UST: variants seen among roughly 807,000 people sequenced by gnomAD.
UST encodes uronyl 2-sulfotransferase.
A neutral mutation model predicts 45.6 loss-of-function variants in UST; 21 were observed. The observed-to-expected ratio is 0.46, with a 90% CI of 0.33 to 0.66. UST has a LOEUF of 0.66. UST is among the 30% of genes least tolerant of loss of function. The pLI, the probability that UST is intolerant of heterozygous loss-of-function variation, is 0.02. For synonymous variants in UST, 215 were observed against 200.6 expected (o/e 1.07, Z -0.61); for missense variants, 463 against 512.4 (o/e 0.90, Z 0.93).
At chr6:148,981,609 CTAAACACA>C (rs1481476563) in intron 5 of UST, among the ~76,000 whole-genome samples, 1 of 152,184 alleles carries the variant, frequency 6.6e-6, no homozygotes, top group Non-Finnish European at 1.5e-5. Flanking sequence ...TCTTCAGCAC[CTAAACACA>C]CACACAGGGT....
chr6:148,996,872 G>A (rs9390649), intron 5 of UST, among the ~76,000 whole-genome samples: 53,500 of 152,036 alleles, frequency 0.35, 9,922 homozygotes, highest in South Asian at 0.41. Context: ...AAAGGAAAGA[G>A]TAATAAGAGA....
chr6:148,767,705 A>G lies in UST; in HGVS notation c.247+20028A>G, dbSNP rs1421907331. Among the ~76,000 whole-genome samples, 4 of 152,228 alleles carry G rather than the reference A, an allele frequency of 2.6e-5. No homozygotes were observed. The East Asian group carries it at 5.8e-4, about 22-fold the overall frequency. ...AAGAATTAATTAAAACTGTTAATACATGCTCATTGTAAAATACTGGGATAC... is the reference window on the plus strand; with the variant it reads ...AAGAATTAATTAAAACTGTTAATACGTGCTCATTGTAAAATACTGGGATAC... On this transcript the variant is annotated intron_variant, in intron 1 of 7. Coordinates refer to ENST00000367463, the MANE Select transcript of UST (RefSeq NM_005715.3).
intron 7 of UST, among the ~76,000 whole-genome samples, chr6:149,048,196 G>A (rs1776421757): frequency 6.6e-6 from 1 of 151,746 alleles, no homozygotes; most frequent in Non-Finnish European, 1.5e-5. Context: ...GGGGGATGGG[G>A]TTTTGCTAAG....
chr6:149,040,062 G>C (rs1776290396), intron 7 of UST, among the ~76,000 whole-genome samples: 1 of 152,212 alleles, frequency 6.6e-6, no homozygotes, highest in East Asian at 1.9e-4. Flanking sequence ...ACCACCCCCA[G>C]ATCTGAAGGC....
At chr6:148,791,582 G>A (rs907901975) in intron 1 of UST, among the ~76,000 whole-genome samples, 1 of 152,136 alleles carries the variant, frequency 6.6e-6, no homozygotes, top group Non-Finnish European at 1.5e-5. Flanking sequence ...AGTACTGCTG[G>A]CAACAGTACT....
chr6:148,998,063 G>A (rs1241436293), intron 5 of UST, among the ~76,000 whole-genome samples: 2 of 152,188 alleles, frequency 1.3e-5, no homozygotes, highest in Admixed American at 6.5e-5. Flanking sequence ...GAAAGAAAAC[G>A]AAATTCTGAA....
intron 5 of UST, among the ~76,000 whole-genome samples, chr6:149,015,438 C>G (rs1477627805): frequency 6.6e-6 from 1 of 151,856 alleles, no homozygotes; most frequent in African/African-American, 2.4e-5. Flanking sequence ...ATGTTAAGAC[C>G]CAATGATAAA....
At chr6:148,923,771 A>T (rs912781898) in intron 2 of UST, among the ~76,000 whole-genome samples, 1 of 151,674 alleles carries the variant, frequency 6.6e-6, no homozygotes, top group Non-Finnish European at 1.5e-5. Flanking sequence ...GCCCCTCCCC[A>T]CTCCTGGGGG....
In UST at chr6:148,748,077, G is replaced by A. The variant is rs991951611; in HGVS notation, c.247+400G>A. Among the ~76,000 whole-genome samples the A allele has an allele frequency of 4.6e-5, 7 of 152,086 alleles. No homozygotes were observed. The highest frequency in any genetic ancestry group is 1.2e-4 in the African/African-American group (5 of 41,410). On this transcript the variant is annotated intron_variant, in intron 1 of 7. Transcript: ENST00000367463. The surrounding 1 kb of genome is among the most constrained non-coding windows in gnomAD (Gnocchi z 5.3). ...AAGGGAAGGTCCTCTTCGTTGCATT[G>A]TTAGTGACCGCAGTTCAGTCCCGTC...
At chr6:148,831,524 A>G (rs1253652422) in intron 1 of UST, among the ~76,000 whole-genome samples, 1 of 152,204 alleles carries the variant, frequency 6.6e-6, no homozygotes, top group Non-Finnish European at 1.5e-5. Flanking sequence ...AGACATTTAT[A>G]TAGTGCTTAT....
intron 7 of UST, among the ~76,000 whole-genome samples, chr6:149,044,927 G>C (rs950670577): frequency 2.0e-5 from 3 of 152,218 alleles, no homozygotes; most frequent in African/African-American, 7.2e-5. Flanking sequence ...CAGCATCAAA[G>C]GCTTAGTGTT....
At chr6:148,957,897 C>T (rs1192160838) in intron 4 of UST, among the ~76,000 whole-genome samples, 1 of 152,164 alleles carries the variant, frequency 6.6e-6, no homozygotes, top group East Asian at 1.9e-4. Context: ...GACACTGCAA[C>T]CTAATATTAT....
At chr6:148,929,012 G>A (rs1582904297) in intron 2 of UST, among the ~76,000 whole-genome samples, 1 of 152,368 alleles carries the variant, frequency 6.6e-6, no homozygotes, top group African/African-American at 2.4e-5. Flanking sequence ...ATAGGACACA[G>A]CCATGGATCC....
intron 7 of UST, among the ~76,000 whole-genome samples, chr6:149,039,472 C>G (rs541411843): frequency 6.6e-6 from 1 of 152,222 alleles, no homozygotes; most frequent in South Asian, 2.1e-4. Flanking sequence ...GTGATCCACC[C>G]GCCTCAGCCT....
intron 5 of UST, among the ~76,000 whole-genome samples, chr6:148,970,612 G>A (rs536455194): frequency 3.9e-5 from 6 of 152,288 alleles, no homozygotes; most frequent in South Asian, 4.1e-4. Context: ...GCTAGGAAAC[G>A]AATGCCAGGC....
chr6:148,906,619 T>C (rs1268769351), intron 2 of UST, among the ~76,000 whole-genome samples: 4 of 152,210 alleles, frequency 2.6e-5, no homozygotes, highest in African/African-American at 4.8e-5. Flanking sequence ...TGAAAGGTGA[T>C]AGTATAGTAT....
intron 6 of UST, 36 bp downstream of exon 6, chr6:149,019,272 G>T (rs192685336): frequency 2.6e-6 from 4 of 1,534,228 alleles, no homozygotes; most frequent in Non-Finnish European, 3.6e-6. Flanking sequence ...ATGCACGTAC[G>T]CACAACAAGG....
chr6:148,992,796 G>T (rs1007024614), intron 5 of UST, among the ~76,000 whole-genome samples: 5 of 152,168 alleles, frequency 3.3e-5, no homozygotes, highest in African/African-American at 1.2e-4. Context: ...GGAGCATATG[G>T]ATGGCCCCTG....
At chr6:149,031,903 G>T (rs929425005) in intron 7 of UST, among the ~76,000 whole-genome samples, 7 of 152,356 alleles carry the variant, frequency 4.6e-5, no homozygotes, top group African/African-American at 1.4e-4. Context: ...GTGCGTAGGA[G>T]TTTGCCAAGT....
Sources: gnomAD v4.1 joint callset for allele counts (sites outside exome capture counted in the v4.1 genomes callset) on GRCh38, gnomAD v4.1.1 for gene constraint, Gnocchi (gnomAD v3.1) non-coding constraint, MANE v1.5 for transcripts, NCBI Gene and HGNC (gene_info 2026-07-23, HGNC 2026-07-21) for gene names.